ATXN7L1: variants seen among roughly 807,000 people sequenced by gnomAD.
ATXN7L1 encodes ataxin-7-like protein 1.
Under a neutral mutation model 70.8 loss-of-function variants are expected in ATXN7L1, and 15 were observed. That is an observed-to-expected ratio of 0.21 (90% CI 0.14 to 0.33). The LOEUF (loss-of-function observed/expected upper bound fraction) is 0.33. Among genes scored for constraint, ATXN7L1 ranks in the 10% least tolerant of loss-of-function variants. ATXN7L1 has a pLI of 1.00. For missense variants in ATXN7L1, 975 were observed against 1,097.1 expected (o/e 0.89, Z 1.57); for synonymous variants, 440 against 445.1 (o/e 0.99, Z 0.14).
At chr7:105,671,961 T>C (rs1442548516) in intron 3 of ATXN7L1, among the ~76,000 whole-genome samples, 1 of 150,964 alleles carries the variant, frequency 6.6e-6, no homozygotes, top group Admixed American at 6.6e-5. Context: ...AACACTTTGA[T>C]TTACCTTATA....
At chr7:105,807,274 C>T (rs1807752249) in intron 2 of ATXN7L1, among the ~76,000 whole-genome samples, 1 of 152,210 alleles carries the variant, frequency 6.6e-6, no homozygotes, top group African/African-American at 2.4e-5. Context: ...GGTGAAGAAC[C>T]CAGGCTTTAG....
intron 2 of ATXN7L1, among the ~76,000 whole-genome samples, chr7:105,791,515 A>C (rs1367124730): frequency 6.6e-6 from 1 of 152,204 alleles, no homozygotes; most frequent in African/African-American, 2.4e-5. Flanking sequence ...CTTGGGCCTT[A>C]ACTGTTGACA....
At chr7:105,847,289 C>G (rs1814197312) in intron 2 of ATXN7L1, among the ~76,000 whole-genome samples, 1 of 152,014 alleles carries the variant, frequency 6.6e-6, no homozygotes, top group Non-Finnish European at 1.5e-5. Flanking sequence ...TGGGAGTTGG[C>G]CACTAGATTA....
chr7:105,759,335 C>T (rs2116407498), intron 3 of ATXN7L1, among the ~76,000 whole-genome samples: 1 of 151,926 alleles, frequency 6.6e-6, no homozygotes, highest in Non-Finnish European at 1.5e-5. Flanking sequence ...GGGCCACTCA[C>T]TCCCAAGATT....
chr7:105,865,910 C>T (rs1817398381), intron 2 of ATXN7L1, among the ~76,000 whole-genome samples: 1 of 152,156 alleles, frequency 6.6e-6, no homozygotes, highest in African/African-American at 2.4e-5. Flanking sequence ...TCTGACTACT[C>T]TAGGAACTTC....
chr7:105,642,243 G>C (rs1238956674), intron 5 of ATXN7L1, among the ~76,000 whole-genome samples: 1 of 152,156 alleles, frequency 6.6e-6, no homozygotes, highest in Non-Finnish European at 1.5e-5. Flanking sequence ...ACCCACAAGA[G>C]ACCGCCCCAG....
chr7:105,745,587 C>T (rs1337522417), intron 3 of ATXN7L1, among the ~76,000 whole-genome samples: 1 of 152,212 alleles, frequency 6.6e-6, no homozygotes, highest in Non-Finnish European at 1.5e-5. Context: ...GACCAGTTCC[C>T]GAGCTGCCCT....
intron 3 of ATXN7L1, among the ~76,000 whole-genome samples, chr7:105,700,029 C>A (rs377104106): frequency 2.0e-5 from 3 of 152,222 alleles, no homozygotes; most frequent in African/African-American, 7.2e-5. Flanking sequence ...TGAGGAGCAG[C>A]GACTCAGAGC....
intron 2 of ATXN7L1, among the ~76,000 whole-genome samples, chr7:105,798,713 T>C (rs1355983077): frequency 6.6e-6 from 1 of 152,222 alleles, no homozygotes; most frequent in African/African-American, 2.4e-5. Context: ...TTCAGCCTTC[T>C]CTCTGACATT....
At chr7:105,668,652 C>A (rs1395400211) in intron 3 of ATXN7L1, among the ~76,000 whole-genome samples, 1 of 152,128 alleles carries the variant, frequency 6.6e-6, no homozygotes, top group East Asian at 1.9e-4. Context: ...GAACTCCTGG[C>A]CTCAAGTGAT....
intron 4 of ATXN7L1, among the ~76,000 whole-genome samples, chr7:105,655,701 C>T (rs916479490): frequency 2.0e-5 from 3 of 152,238 alleles, no homozygotes; most frequent in Non-Finnish European, 4.4e-5. Flanking sequence ...GTTTCTCCCA[C>T]AGGCATCTGG....
intron 4 of ATXN7L1, among the ~76,000 whole-genome samples, chr7:105,652,743 T>A (rs755268253): frequency 3.3e-5 from 5 of 152,168 alleles, no homozygotes; most frequent in Admixed American, 6.5e-5. Flanking sequence ...TGGGCTCCCA[T>A]CCTAAGCCTT....
intron 2 of ATXN7L1, among the ~76,000 whole-genome samples, chr7:105,813,823 T>C (rs1808800439): frequency 6.6e-6 from 1 of 152,190 alleles, no homozygotes; most frequent in Non-Finnish European, 1.5e-5. Context: ...CTCTCTTTTT[T>C]TCCCCCAGTA....
At chr7:105,613,682 G>A in intron 10 of ATXN7L1, 180 bp downstream of exon 10, 2 of 1,459,372 alleles carry the variant, frequency 1.4e-6, no homozygotes, top group Non-Finnish European at 1.8e-6. Flanking sequence ...TAGTGAGCGT[G>A]GTATCAAGTA....
intron 2 of ATXN7L1, among the ~76,000 whole-genome samples, chr7:105,836,100 G>A (rs1044514015): frequency 6.6e-6 from 1 of 152,142 alleles, no homozygotes; most frequent in Non-Finnish European, 1.5e-5. Context: ...AAAGTAGAAC[G>A]GTGACAGCCA....
At chr7:105,637,542 C>T (rs529722774) in intron 7 of ATXN7L1, among the ~76,000 whole-genome samples, 1 of 152,232 alleles carries the variant, frequency 6.6e-6, no homozygotes, top group South Asian at 2.1e-4. Context: ...TGTACCCCTG[C>T]CTGAGAGTAC....
At chr7:105,833,457 C>T (rs1342150599) in intron 2 of ATXN7L1, among the ~76,000 whole-genome samples, 1 of 152,198 alleles carries the variant, frequency 6.6e-6, no homozygotes, top group African/African-American at 2.4e-5. Flanking sequence ...TAGATGTACT[C>T]ACACCATTTA....
intron 2 of ATXN7L1, among the ~76,000 whole-genome samples, chr7:105,798,864 G>T (rs943784790): frequency 2.0e-5 from 3 of 152,240 alleles, no homozygotes; most frequent in East Asian, 1.9e-4. Flanking sequence ...CCCAGGCAAA[G>T]AAATGGGGTG....
intron 3 of ATXN7L1, among the ~76,000 whole-genome samples, chr7:105,727,469 G>C (rs1795941997): frequency 1.3e-5 from 2 of 151,752 alleles, no homozygotes; most frequent in Non-Finnish European, 2.9e-5. Flanking sequence ...AGGAGTTCAA[G>C]ACCAGCCCGG....
Sources: allele counts gnomAD v4.1 joint callset (sites outside exome capture counted in the v4.1 genomes callset), GRCh38; gene constraint gnomAD v4.1.1; transcripts MANE v1.5; gene names NCBI Gene and HGNC (gene_info 2026-07-23, HGNC 2026-07-21).